Variants in SEMA3A observed in about 807,000 individuals in gnomAD.
SEMA3A encodes semaphorin-3A.
Under a neutral mutation model 97.9 loss-of-function variants are expected in SEMA3A, and 29 were observed. The ratio of observed to expected loss-of-function variants is 0.30; its 90% CI spans 0.22 to 0.40. The LOEUF (loss-of-function observed/expected upper bound fraction) is 0.40, where lower values mean the gene tolerates loss of function less well. Among genes scored for constraint, SEMA3A ranks in the 10% least tolerant of loss-of-function variants. The probability of loss-of-function intolerance (pLI) is 1.00; values close to 1 mark genes in which losing one functional copy is unlikely to be tolerated. For missense variants in SEMA3A, 763 were observed against 951.3 expected (o/e 0.80, Z 2.60); for synonymous variants, 321 against 323.7 (o/e 0.99, Z 0.09).
At chr7:84,313,356 GTATATATATATA>G (rs869145201) in intron 2 of SEMA3A, among the ~76,000 whole-genome samples, 233 of 23,024 alleles carry the variant, frequency 0.01, 4 homozygotes, top group Non-Finnish European at 0.013. Flanking sequence ...ATGTGTGTGT[GTATATATATATA>G]TATATATATA....
chr7:84,326,411 G>C (rs768685973), intron 2 of SEMA3A, among the ~76,000 whole-genome samples: 1 of 151,872 alleles, frequency 6.6e-6, no homozygotes, highest in Non-Finnish European at 1.5e-5. Flanking sequence ...TGACTGATTT[G>C]GGTTTTTGGA....
chr7:84,436,948 TCACC>T (rs1243617797), intron 1 of SEMA3A, among the ~76,000 whole-genome samples: 1 of 152,122 alleles, frequency 6.6e-6, no homozygotes, highest in Admixed American at 6.5e-5. Context: ...GTGTTTTCAT[TCACC>T]TTCCTCAAAC....
At position 84,263,380 on chromosome 7, in the gene SEMA3A, T is replaced by C. The variant is rs543642264; in HGVS notation, c.-83+43827A>G. On this transcript the variant is annotated intron_variant, in intron 3 of 3. Coordinates refer to the SEMA3A transcript ENST00000424555. ...CATTGCCTCAGAGCAAAAAAATCTG[T>C]TTTTAAAGTGTGTAACTTTAATATT... Among the ~76,000 whole-genome samples, 22 of 152,300 alleles carry C rather than the reference T, an allele frequency of 1.4e-4. No homozygotes were observed. The East Asian group carries it at 4.3e-3, about 29-fold the overall frequency.
chr7:83,963,634 G>A (rs914441756), intron 15 of SEMA3A, among the ~76,000 whole-genome samples: 4 of 152,088 alleles, frequency 2.6e-5, no homozygotes, highest in East Asian at 3.8e-4. Flanking sequence ...ATAACTATAC[G>A]TCTTTATATG....
chr7:84,231,960 GAGAC>G (rs1456519221), intron 3 of SEMA3A, among the ~76,000 whole-genome samples: 6 of 151,816 alleles, frequency 4.0e-5, no homozygotes, highest in Non-Finnish European at 5.9e-5. Context: ...GAAGGAGAGA[GAGAC>G]AGACAGAGTT....
intron 3 of SEMA3A, among the ~76,000 whole-genome samples, chr7:84,259,046 G>C (rs1308961442): frequency 6.6e-6 from 1 of 151,990 alleles, no homozygotes; most frequent in Non-Finnish European, 1.5e-5. Flanking sequence ...TTTAAGTTTA[G>C]AGAACAGTAT....
chr7:84,020,823 C>T (rs572414595), intron 6 of SEMA3A, among the ~76,000 whole-genome samples: 1 of 152,200 alleles, frequency 6.6e-6, no homozygotes, highest in African/African-American at 2.4e-5. Flanking sequence ...AATAATATAA[C>T]TGGTCTTCCC....
chr7:84,025,234 T>C (rs1791505762), intron 6 of SEMA3A, among the ~76,000 whole-genome samples: 1 of 152,202 alleles, frequency 6.6e-6, no homozygotes, highest in Admixed American at 6.5e-5. Context: ...ATGTAAATTA[T>C]AAAACTATAT....
chr7:83,965,577 G>C (rs1338088760), intron 15 of SEMA3A, among the ~76,000 whole-genome samples: 1 of 121,896 alleles, frequency 8.2e-6, no homozygotes, highest in Non-Finnish European at 1.6e-5. Context: ...CACGTAACTA[G>C]TATAATAGAA....
intron 2 of SEMA3A, among the ~76,000 whole-genome samples, chr7:84,345,186 T>A (rs967291017): frequency 6.6e-6 from 1 of 152,166 alleles, no homozygotes; most frequent in Non-Finnish European, 1.5e-5. Context: ...GTCTATTAAG[T>A]GTGCAACAGC....
chr7:84,090,672 T>G (rs2115845141), intron 4 of SEMA3A, among the ~76,000 whole-genome samples: 1 of 152,296 alleles, frequency 6.6e-6, no homozygotes, highest in African/African-American at 2.4e-5. Context: ...ATTGATAATT[T>G]TAAAGTCATA....
At chr7:84,314,424 C>T (rs1359559003) in intron 2 of SEMA3A, among the ~76,000 whole-genome samples, 2 of 152,070 alleles carry the variant, frequency 1.3e-5, no homozygotes, top group African/African-American at 2.4e-5. Context: ...CTGCAAGTAA[C>T]CTGTGCCACA....
intron 1 of SEMA3A, among the ~76,000 whole-genome samples, chr7:84,405,944 C>G (rs1055670256): frequency 1.6e-4 from 24 of 152,134 alleles, no homozygotes; most frequent in African/African-American, 5.1e-4. Flanking sequence ...CAAGAGAAAG[C>G]AGGAAAGATC....
chr7:84,074,806 ACCAC>A, intron 4 of SEMA3A, among the ~76,000 whole-genome samples: 1 of 150,436 alleles, frequency 6.6e-6, no homozygotes, highest in Admixed American at 6.6e-5. Flanking sequence ...TCAAATAACA[ACCAC>A]TATTTTTTCA....
At chr7:84,044,900 CA>C (rs1444082023) in intron 6 of SEMA3A, among the ~76,000 whole-genome samples, 19 of 152,002 alleles carry the variant, frequency 1.2e-4, no homozygotes, top group Admixed American at 9.8e-4. Context: ...CATTAAAAGC[CA>C]AGGCTGAAGG....
chr7:84,151,100 C>T (rs1464575408), intron 1 of SEMA3A, among the ~76,000 whole-genome samples: 1 of 149,588 alleles, frequency 6.7e-6, no homozygotes, highest in African/African-American at 2.4e-5. Flanking sequence ...ACATCACCAT[C>T]ATCAAAGACC....
chr7:84,486,935 T>C (rs949638007), intron 1 of SEMA3A, among the ~76,000 whole-genome samples: 2 of 151,984 alleles, frequency 1.3e-5, no homozygotes, highest in Non-Finnish European at 2.9e-5. Context: ...GAAGTACAGA[T>C]AGAATACTAA....
At chr7:84,120,454 T>A (rs1352344685) in intron 3 of SEMA3A, among the ~76,000 whole-genome samples, 2 of 152,188 alleles carry the variant, frequency 1.3e-5, no homozygotes, top group Non-Finnish European at 2.9e-5. Context: ...AAGCTCTCCA[T>A]AAGTGTTGGA....
chr7:84,167,071 G>C (rs562723674), intron 1 of SEMA3A, among the ~76,000 whole-genome samples: 5 of 152,144 alleles, frequency 3.3e-5, no homozygotes, highest in Admixed American at 2.6e-4. Context: ...AGTCCTACAA[G>C]ATGTAGGACT....
Sources: gnomAD v4.1 joint callset for allele counts (sites outside exome capture counted in the v4.1 genomes callset) on GRCh38, gnomAD v4.1.1 for gene constraint, MANE v1.5 for transcripts, NCBI Gene and HGNC (gene_info 2026-07-23, HGNC 2026-07-21) for gene names.